UPF2: variants seen among roughly 807,000 people sequenced by gnomAD.
The protein encoded by UPF2 is regulator of nonsense transcripts 2.
Under a neutral mutation model 141.4 loss-of-function variants are expected in UPF2, and 17 were observed. That is an observed-to-expected ratio of 0.12 (90% confidence interval 0.08 to 0.18). The LOEUF (loss-of-function observed/expected upper bound fraction) is 0.18, where lower values mean the gene tolerates loss of function less well. Among genes scored for constraint, UPF2 ranks in the 10% least tolerant of loss-of-function variants. The pLI, the probability that UPF2 is intolerant of heterozygous loss-of-function variation, is 1.00. For synonymous variants in UPF2, 540 were observed against 498.0 expected (o/e 1.08, Z -1.12); for missense variants, 1,152 against 1,515.9 (o/e 0.76, Z 3.99).
chr10:11,942,741 C>T lies in UPF2; in HGVS notation c.3302G>A (p.Gly1101Glu). The change falls in exon 18 of 22, where the codon GGA (glycine) becomes GAA (glutamate). Residue 1101 changes from glycine (G) to glutamate (E), a missense_variant. Transcript: ENST00000357604. The stretch of plus-strand genomic sequence containing the variant: ...TTCTACACAAGGTACATGCTTAAGT[C>T]CACCGCCTTTAATCATTACCTCCTT... Reference protein sequence around the residue: ...ENTEVMIKGGGLKHVPCVEDE... With the variant: ...ENTEVMIKGGELKHVPCVEDE... 6.2e-7 allele frequency: 1 copy of T among 1,613,802 alleles called. No individual in the cohort carries two copies. The highest frequency in any genetic ancestry group is 8.5e-7 in the Non-Finnish European group (1 of 1,179,882).
intron 18 of UPF2, among the ~76,000 whole-genome samples, chr10:11,937,089 C>T (rs2131161485): frequency 6.6e-6 from 1 of 152,364 alleles, no homozygotes; most frequent in East Asian, 1.9e-4. Context: ...GCAAGGTGGG[C>T]TCATCACTGC....
In UPF2 at chr10:11,931,836, A is replaced by G. The variant is rs915259802; in HGVS notation, c.3547-54T>C. 2 of 1,550,724 alleles carry G rather than the reference A, an allele frequency of 1.3e-6. No homozygotes were observed. Among genetic ancestry groups the G allele is most frequent in the African/African-American group, 1.4e-5 (1 of 72,172 alleles). On this transcript the variant is annotated intron_variant, in intron 19 of 21. Transcript: ENST00000357604. This position sits in a 1 kb window ranked among gnomAD's most constrained non-coding sequence, Gnocchi z 5.9. ...ATAGTTTGAGAACACTGAGAGAAAG[A>G]AAAAACAGACTTCAAATAAAATAGC...
Position 12,035,345 on chromosome 10 carries a change from C to T in UPF2, c.79G>A (p.Glu27Lys). The T allele has an allele frequency of 6.2e-7, 1 of 1,609,436 alleles. No individual in the cohort carries two copies. Residue 27 changes from glutamate to lysine, a missense_variant, in exon 2 of 22, where the codon GAA becomes AAA. By Grantham distance (56) the Glu-to-Lys change is moderately conservative (BLOSUM62 1). This residue lies in a region of UPF2 where 145 missense variants were observed against 136.5 expected (regional missense o/e 1.06). Transcript: ENST00000357604. ...LPNNKEKDCS[E>K]RRTVSSKERP... Reference sequence around the variant, plus strand: ...TCCTTGCTGCTCACTGTCCGCCTTTCACTGCAGTCTTTTTCCTTGTTGTTT... The same window carrying T: ...TCCTTGCTGCTCACTGTCCGCCTTTTACTGCAGTCTTTTTCCTTGTTGTTT...
chr10:11,982,848 G>T (rs1032988643), intron 8 of UPF2, among the ~76,000 whole-genome samples: 1 of 152,118 alleles, frequency 6.6e-6, no homozygotes, highest in Non-Finnish European at 1.5e-5. Context: ...TTGAACTCCC[G>T]ACCTTAGGCG....
rs558052237 is a variant in UPF2, at chr10:12,016,601, G to A, written c.1146-2417C>T. ...CCCAGCTACTTGGGAGGCTAAGCCA[G>A]GAGAATCACTTGAACCCGGGAGGCA... is the stretch of plus-strand genomic sequence containing the variant. On this transcript the variant is annotated intron_variant, in intron 3 of 21. Coordinates refer to ENST00000357604, the MANE Select transcript of UPF2 (RefSeq NM_015542.4). The surrounding 1 kb of genome is among the most constrained non-coding windows in gnomAD (Gnocchi z 4.1). Among the ~76,000 whole-genome samples the A allele has an allele frequency of 2.6e-5, 4 of 152,106 alleles. No individual in the cohort carries two copies. Among genetic ancestry groups the A allele is most frequent in the Admixed American group, 6.5e-5 (1 of 15,278 alleles).
chr10:11,929,827 GAAAC>G, intron 21 of UPF2, 34 bp downstream of exon 21: 1 of 1,603,252 alleles, frequency 6.2e-7, no homozygotes, highest in Non-Finnish European at 8.5e-7. Flanking sequence ...GGACATCATG[GAAAC>G]AAACAGCTAA....
At chr10:11,944,464 G>A (rs4750145) in intron 16 of UPF2, among the ~76,000 whole-genome samples, 57,419 of 151,946 alleles carry the variant, frequency 0.38, 11,405 homozygotes, top group East Asian at 0.71. Flanking sequence ...ACTGCACTCC[G>A]GCCTGGGTGA....
intron 8 of UPF2, among the ~76,000 whole-genome samples, chr10:11,988,128 G>A (rs1306871363): frequency 6.6e-6 from 1 of 152,144 alleles, no homozygotes; most frequent in Non-Finnish European, 1.5e-5. Context: ...AAGAAGATAT[G>A]CAAATGGCCA....
chr10:11,969,554 A>C (rs1833380834), intron 9 of UPF2, among the ~76,000 whole-genome samples: 1 of 152,184 alleles, frequency 6.6e-6, no homozygotes, highest in Non-Finnish European at 1.5e-5. Flanking sequence ...TCTCATTTTT[A>C]ATATTAAACA....
At chr10:11,951,956 G>A (rs142817614) in intron 15 of UPF2, 110 bp downstream of exon 15, 94 of 1,191,336 alleles carry the variant, frequency 7.9e-5, no homozygotes, top group Admixed American at 7.4e-4. Flanking sequence ...ACTCAACACC[G>A]AAAATAGAAA....
intron 15 of UPF2, among the ~76,000 whole-genome samples, chr10:11,950,494 C>T (rs1833059885): frequency 6.6e-6 from 1 of 152,180 alleles, no homozygotes. Context: ...CTATTTTTAC[C>T]TCCATATTCT....
intron 16 of UPF2, among the ~76,000 whole-genome samples, chr10:11,945,603 G>A (rs1358929666): frequency 6.6e-6 from 1 of 152,110 alleles, no homozygotes; most frequent in African/African-American, 2.4e-5. Flanking sequence ...CATGTATCCT[G>A]TGCAACATGC....
At chr10:12,039,679 G>C (rs890887240) in intron 1 of UPF2, among the ~76,000 whole-genome samples, 7 of 149,708 alleles carry the variant, frequency 4.7e-5, no homozygotes, top group African/African-American at 1.7e-4. Context: ...GGAGTGCAGT[G>C]GCACGATCTC....
chr10:11,986,045 C>T lies in UPF2; in HGVS notation c.1845-6880G>A, dbSNP rs1444793131. ...GACTACAGGCGCCCGCCACCAAGCCCGGCTAATTTTTTGTATTTATAGTAG... is the reference window on the plus strand; with the variant it reads ...GACTACAGGCGCCCGCCACCAAGCCTGGCTAATTTTTTGTATTTATAGTAG... On this transcript the variant is annotated intron_variant, in intron 8 of 21. Coordinates refer to ENST00000357604, the MANE Select transcript of UPF2 (RefSeq NM_015542.4). Among the ~76,000 whole-genome samples the T allele has an allele frequency of 6.6e-5, 10 of 151,684 alleles. No homozygotes were observed. In the East Asian group the frequency reaches 9.8e-4, roughly 15 times the overall value.
At chr10:11,989,301 C>T (rs1221651753) in intron 8 of UPF2, among the ~76,000 whole-genome samples, 1 of 152,092 alleles carries the variant, frequency 6.6e-6, no homozygotes, top group East Asian at 1.9e-4. Flanking sequence ...CAAATTATAG[C>T]TCAATTGATT....
In UPF2 at chr10:11,936,735, T is replaced by C; in HGVS notation, c.3379-23A>G. ...TTGCTAAAAGAAATTAAAAAGGACA[T>C]AATAAACACTCCAAGATATATACGG... On this transcript the variant is annotated intron_variant, in intron 18 of 21. Transcript: ENST00000357604. The surrounding 1 kb of genome is among the most constrained non-coding windows in gnomAD (Gnocchi z 6.6). 6.3e-7 allele frequency: 1 copy of C among 1,592,450 alleles called. No individual in the cohort carries two copies. Among genetic ancestry groups the C allele is most frequent in the Middle Eastern group, 1.9e-4 (1 of 5,220 alleles).
rs776325749 is a variant in UPF2 at position 11,929,924 on chromosome 10, A to G, written c.3750T>C (p.Pro1250=). The change falls in exon 21 of 22, where the codon CCT becomes CCC. Residue 1250 remains proline, a synonymous_variant. Transcript: ENST00000357604. ...GTGCTCCCTTCGGATGTTGGTAGCG[A>G]GGCCGCCTCTCACGATTGGTGTTTG... is the stretch of plus-strand genomic sequence containing the variant. ...APANTNRERR[P]RYQHPKGAPN... is the part of the protein sequence containing the mutation. 1 of 1,614,244 alleles carries G rather than the reference A, an allele frequency of 6.2e-7. No individual in the cohort carries two copies. Among genetic ancestry groups the G allele is most frequent in the Admixed American group, 1.7e-5 (1 of 60,026 alleles).
Position 12,035,295 on chromosome 10 carries a change from G to A in UPF2, c.129C>T (p.Leu43=). 1 of 1,614,020 alleles carries A rather than the reference G, an allele frequency of 6.2e-7. No individual in the cohort carries two copies. The highest frequency in any genetic ancestry group is 8.5e-7 in the Non-Finnish European group (1 of 1,180,022). The change falls in exon 2 of 22, where the codon CTC becomes CTT. Residue 43 remains leucine (L), a synonymous_variant. Transcript: ENST00000357604. ...CCTTGCTGACCTCCTTCTTGGCAGT[G>A]AGCTTGATATCGTCTTTTGGCCTCT... ...SKERPKDDIK[L]TAKKEVSKAP... is the part of the protein sequence containing the mutation.
chr10:11,961,388 G>C (rs1236790947), intron 11 of UPF2, among the ~76,000 whole-genome samples: 1 of 151,896 alleles, frequency 6.6e-6, no homozygotes, highest in Non-Finnish European at 1.5e-5. Context: ...GGATCTGAAG[G>C]ATAACAAAGG....
Sources: gnomAD v4.1 joint callset for allele counts (sites outside exome capture counted in the v4.1 genomes callset) on GRCh38, gnomAD v4.1.1 for gene constraint, gnomAD v4.1.1 regional missense constraint, Gnocchi (gnomAD v3.1) non-coding constraint, MANE v1.5 for transcripts, NCBI Gene and HGNC (gene_info 2026-07-23, HGNC 2026-07-21) for gene names.